MBNL2: variants seen among roughly 807,000 people sequenced by gnomAD.
MBNL2 encodes the protein muscleblind like splicing regulator 2.
A neutral mutation model predicts 41.9 loss-of-function variants in MBNL2; 17 were observed. The observed-to-expected ratio is 0.41, with a 90% CI of 0.28 to 0.61. The LOEUF is 0.61. Among genes scored for constraint, MBNL2 ranks in the 20% least tolerant of loss-of-function variants. MBNL2 has a pLI of 0.35. For synonymous variants in MBNL2, 195 were observed against 182.9 expected (o/e 1.07, Z -0.53); for missense variants, 336 against 505.6 (o/e 0.66, Z 3.22).
intron 1 of MBNL2, among the ~76,000 whole-genome samples, chr13:97,273,300 T>A (rs1025762810): frequency 6.6e-6 from 1 of 152,220 alleles, no homozygotes; most frequent in Non-Finnish European, 1.5e-5. Flanking sequence ...AATATGTCCT[T>A]GTCCTTTGCT....
At chr13:97,258,737 G>A (rs569009368) in intron 1 of MBNL2, among the ~76,000 whole-genome samples, 1 of 152,146 alleles carries the variant, frequency 6.6e-6, no homozygotes, top group African/African-American at 2.4e-5. Flanking sequence ...ATAGTGGGAT[G>A]GGGCTGGATG....
the MBNL2 span, among the ~76,000 whole-genome samples, chr13:97,166,837 T>TAGAAAGAAAGAAAGAAAGAA: frequency 1.8e-4 from 26 of 143,470 alleles, no homozygotes; most frequent in South Asian, 9.1e-4. Flanking sequence ...GATAGATAGA[T>TAGAAAGAAAGAAAGAAAGAA]AGAAAGATAG....
chr13:97,154,386 C>T, the MBNL2 span, among the ~76,000 whole-genome samples: 15,455 of 152,144 alleles, frequency 0.1, 880 homozygotes, highest in East Asian at 0.15. Flanking sequence ...GCAATCTCAG[C>T]TCACTGCAAC....
chr13:97,316,728 G>A (rs910226961), intron 2 of MBNL2, among the ~76,000 whole-genome samples: 13 of 152,190 alleles, frequency 8.5e-5, no homozygotes, highest in African/African-American at 3.1e-4. Context: ...CCCTGCCTAT[G>A]TAACTAAAAA....
intron 5 of MBNL2, among the ~76,000 whole-genome samples, chr13:97,349,559 T>TGTCA (rs1230162454): frequency 6.6e-6 from 1 of 152,182 alleles, no homozygotes; most frequent in Non-Finnish European, 1.5e-5. Context: ...AGTCTTGCTC[T>TGTCA]GTCAGTCACC....
At chr13:97,270,195 G>A (rs11840110) in intron 1 of MBNL2, among the ~76,000 whole-genome samples, 13 of 152,166 alleles carry the variant, frequency 8.5e-5, no homozygotes, top group African/African-American at 3.1e-4. Context: ...AGACAGCACC[G>A]TCAGTAGCAA....
intron 2 of MBNL2, among the ~76,000 whole-genome samples, chr13:97,315,149 A>G (rs1290887018): frequency 6.6e-6 from 1 of 152,218 alleles, no homozygotes; most frequent in Non-Finnish European, 1.5e-5. Context: ...CTTACTGGAA[A>G]AAAAGCCTCC....
At chr13:97,231,205 T>C (rs1376865074) in intron 1 of MBNL2, among the ~76,000 whole-genome samples, 1 of 152,150 alleles carries the variant, frequency 6.6e-6, no homozygotes, top group East Asian at 1.9e-4. Flanking sequence ...AGTATGCAAA[T>C]AGATTGATGC....
At chr13:97,194,242 T>G in the MBNL2 span, among the ~76,000 whole-genome samples, 2 of 152,232 alleles carry the variant, frequency 1.3e-5, no homozygotes, top group Non-Finnish European at 2.9e-5. Flanking sequence ...GCATTCCTTT[T>G]AGAATATAAG....
At chr13:97,326,235 A>G (rs1422493037) in intron 2 of MBNL2, among the ~76,000 whole-genome samples, 1 of 152,208 alleles carries the variant, frequency 6.6e-6, no homozygotes, top group Non-Finnish European at 1.5e-5. Context: ...ACCCGTAGCA[A>G]TTGGTGGTGG....
chr13:97,220,233 T>C (rs1376055201), upstream of MBNL2, among the ~76,000 whole-genome samples: 4 of 152,232 alleles, frequency 2.6e-5, no homozygotes, highest in African/African-American at 9.6e-5. Flanking sequence ...GTGTGCATTA[T>C]CTTAATTAAT....
rs533708255 is a variant in MBNL2 at position 97,226,144 on chromosome 13, G to T, written c.-605+3613G>T. 3.8e-4 allele frequency among the ~76,000 whole-genome samples: 58 copies of T among 152,274 alleles called. 2 individuals are homozygous for T. In the South Asian group the frequency reaches 0.011, roughly 30 times the overall value. ...TCAGGCCTGGGCCTCCGACTGCACG[G>T]CTCCAACTACACAGTTGTTTATGGA... On this transcript the variant is annotated intron_variant, in intron 1 of 8. Transcript: ENST00000679496.
chr13:97,325,145 C>T (rs748693655), intron 2 of MBNL2, among the ~76,000 whole-genome samples: 7 of 152,140 alleles, frequency 4.6e-5, no homozygotes, highest in Non-Finnish European at 7.3e-5. Flanking sequence ...AAACTACCCC[C>T]GTGACTCAGA....
At chr13:97,271,130 T>G (rs954643634) in intron 1 of MBNL2, among the ~76,000 whole-genome samples, 82 of 150,736 alleles carry the variant, frequency 5.4e-4, no homozygotes, top group African/African-American at 9.7e-4. Flanking sequence ...TTTTTTGTTT[T>G]TTTTTTTTGA....
intron 1 of MBNL2, among the ~76,000 whole-genome samples, chr13:97,255,740 T>C (rs7333560): frequency 0.11 from 16,327 of 152,226 alleles, 2,446 homozygotes; most frequent in African/African-American, 0.34. Flanking sequence ...GGACCTCATG[T>C]GCTGTGTTTA....
intron 8 of MBNL2, among the ~76,000 whole-genome samples, chr13:97,390,521 G>A (rs976905583): frequency 6.6e-6 from 1 of 152,054 alleles, no homozygotes; most frequent in African/African-American, 2.4e-5. Flanking sequence ...GTTTTGTTAC[G>A]GTGTGTTAAA....
chr13:97,300,483 A>C (rs2057507318), intron 2 of MBNL2, among the ~76,000 whole-genome samples: 1 of 152,152 alleles, frequency 6.6e-6, no homozygotes, highest in Non-Finnish European at 1.5e-5. Context: ...TAGACTCCCC[A>C]CATGCGCAGT....
chr13:97,209,712 T>A, the MBNL2 span, among the ~76,000 whole-genome samples: 1 of 152,210 alleles, frequency 6.6e-6, no homozygotes, highest in South Asian at 2.1e-4. Context: ...AAATTTCTAG[T>A]TTTCTAGAAG....
intron 1 of MBNL2, among the ~76,000 whole-genome samples, chr13:97,223,781 T>C (rs759200927): frequency 1.3e-4 from 16 of 120,814 alleles, no homozygotes; most frequent in Non-Finnish European, 2.3e-4. Flanking sequence ...GAACTACTCA[T>C]TTAAATAAGG....
Sources: allele counts gnomAD v4.1 joint callset (sites outside exome capture counted in the v4.1 genomes callset), GRCh38; gene constraint gnomAD v4.1.1; transcripts MANE v1.5; gene names NCBI Gene and HGNC (gene_info 2026-07-23, HGNC 2026-07-21).